The following IL17RA variants were observed in gnomAD, a reference collection of about 807,000 sequenced individuals.
IL17RA encodes interleukin-17 receptor A.
A neutral mutation model predicts 50.4 loss-of-function variants in IL17RA; 34 were observed. The observed-to-expected ratio is 0.67, with a 90% confidence interval of 0.51 to 0.90. The LOEUF (loss-of-function observed/expected upper bound fraction) is 0.90, where lower values mean the gene tolerates loss of function less well. Among genes scored for constraint, IL17RA ranks in the 40% least tolerant of loss-of-function variants. IL17RA has a pLI of 0.00. For synonymous variants in IL17RA, 585 were observed against 510.4 expected (o/e 1.15, Z -1.97); for missense variants, 1,276 against 1,169.8 (o/e 1.09, Z -1.32).
rs774635697 is a variant in IL17RA at position 17,108,623 on chromosome 22, C to T, written c.1404C>T (p.Arg468=). 3.7e-6 allele frequency: 6 copies of T among 1,604,776 alleles called. No homozygotes were observed. Among genetic ancestry groups the T allele is most frequent in the African/African-American group, 2.7e-5 (2 of 74,912 alleles). Reference sequence around the variant, plus strand: ...GCCGGGGGGCGCCTGTGCGGCTGCGCTGCGACCACGGAAAGCCCGTGGGGG... The same window carrying T: ...GCCGGGGGGCGCCTGTGCGGCTGCGTTGCGACCACGGAAAGCCCGTGGGGG... ...LLGRGAPVRL[R]CDHGKPVGDL... The change falls in exon 13 of 13, where the codon CGC becomes CGT. Residue 468 remains arginine (R), a synonymous_variant. Transcript: ENST00000319363.
Position 17,111,604 on chromosome 22 carries a change from C to T in IL17RA, c.*1784C>T, listed in dbSNP as rs558050500. 23 of 152,264 alleles carry T rather than the reference C, an allele frequency of 1.5e-4. No individual in the cohort carries two copies. The highest frequency in any genetic ancestry group is 5.5e-4 in the African/African-American group (23 of 41,532). The allele number at this position is 152,264 out of a possible 1,614,324, so 9.4% of individuals were successfully genotyped here. A position where few individuals can be genotyped will look rare whatever the true frequency, so the allele number is the denominator to read the frequency against. On this transcript the variant is annotated 3_prime_UTR_variant, in exon 13 of 13. Coordinates refer to ENST00000319363, the MANE Select transcript of IL17RA (RefSeq NM_014339.7). ...GGGTCCTGAAGAACACATTGAGGTG[C>T]CGTCTGACACTGGAATAGGGTGCCC...
chr22:17,106,698 C>T (rs1276750409), intron 11 of IL17RA, among the ~76,000 whole-genome samples: 1 of 152,148 alleles, frequency 6.6e-6, no homozygotes, highest in Non-Finnish European at 1.5e-5. Flanking sequence ...CCACCCTTCC[C>T]TAGGCTCGTC....
At chr22:17,099,957 T>C (rs2061383817) in intron 4 of IL17RA, among the ~76,000 whole-genome samples, 1 of 152,142 alleles carries the variant, frequency 6.6e-6, no homozygotes, top group Non-Finnish European at 1.5e-5. Context: ...AAGAATCATT[T>C]GACAAATAGT....
At chr22:17,106,022 G>A in intron 11 of IL17RA, 68 bp downstream of exon 11, 2 of 1,220,428 alleles carry the variant, frequency 1.6e-6, no homozygotes, top group East Asian at 2.4e-5. Context: ...CACTACCAAG[G>A]CAAATCGCTT....
Position 17,109,189 on chromosome 22 carries a change from G to C in IL17RA, c.1970G>C (p.Arg657Pro), listed in dbSNP as rs1341181529. The C allele has an allele frequency of 3.9e-6, 6 of 1,519,092 alleles. No homozygotes were observed. The East Asian group carries it at 1.5e-4, about 37-fold the overall frequency. 94.1% of individuals were successfully genotyped at this position (1,519,092 alleles called of 1,614,324 possible). A position where few individuals can be genotyped will look rare whatever the true frequency, so the allele number is the denominator to read the frequency against. The change falls in exon 13 of 13, where the codon CGG becomes CCG. Residue 657 changes from arginine (R) to proline (P), a missense_variant. Coordinates refer to ENST00000319363, the MANE Select transcript of IL17RA (RefSeq NM_014339.7). ...AAGCTGGAACCTCACCTGCAGCCCC[G>C]GGGTCAGCCAGCGCCGCAGCCCCTC... ...VAKLEPHLQP[R>P]GQPAPQPLHT...
rs2061434755 is a variant in IL17RA at position 17,110,120 on chromosome 22, G to A, written c.*300G>A. 2.3e-6 allele frequency: 1 copy of A among 435,878 alleles called. No individual in the cohort carries two copies. 27.0% of individuals were successfully genotyped at this position (435,878 alleles called of 1,614,324 possible). ...TTTATTGTGCACCTACTATGTGGCG[G>A]GCATTTGGGATACCAAGATAAATTG... On this transcript the variant is annotated 3_prime_UTR_variant, in exon 13 of 13. Coordinates refer to ENST00000319363, the MANE Select transcript of IL17RA (RefSeq NM_014339.7).
intron 1 of IL17RA, among the ~76,000 whole-genome samples, chr22:17,094,649 TAC>T (rs373099305): frequency 0.016 from 846 of 51,398 alleles, 76 homozygotes; most frequent in African/African-American, 0.048. Context: ...CATTTAGTCA[TAC>T]ACACACTCTC....
chr22:17,110,233 C>G lies in IL17RA; in HGVS notation c.*413C>G, dbSNP rs2061435401. The G allele has an allele frequency of 1.0e-5, 3 of 288,916 alleles. No homozygotes were observed. Among genetic ancestry groups the G allele is most frequent in the Non-Finnish European group, 2.0e-5 (3 of 149,306 alleles). 17.9% of individuals were successfully genotyped at this position (288,916 alleles called of 1,614,324 possible). A position where few individuals can be genotyped will look rare whatever the true frequency, so the allele number is the denominator to read the frequency against. On this transcript the variant is annotated 3_prime_UTR_variant, in exon 13 of 13. Transcript: ENST00000319363. ...ACAGGATGGGCCGGGCACGGTGGCT[C>G]ACGCCTGTAATCCCAGCACACTGGG...
At position 17,085,295 on chromosome 22, in the gene IL17RA, G is replaced by C. The variant is rs1272774899; in HGVS notation, c.138+66G>C. On this transcript the variant is annotated intron_variant, in intron 1 of 12. Transcript: ENST00000319363. ...CGGACGCGGGGCAAGGTCGCGGAGGGCCGGACGGTCGGGACTACGCGCCCG... is the reference window on the plus strand; with the variant it reads ...CGGACGCGGGGCAAGGTCGCGGAGGCCCGGACGGTCGGGACTACGCGCCCG... 26 of 1,525,830 alleles carry C rather than the reference G, an allele frequency of 1.7e-5. No individual in the cohort carries two copies. In the Middle Eastern group the frequency reaches 6.8e-4, roughly 40 times the overall value. 94.5% of individuals were successfully genotyped at this position (1,525,830 alleles called of 1,614,324 possible). A position where few individuals can be genotyped will look rare whatever the true frequency, so the allele number is the denominator to read the frequency against.
At position 17,104,775 on chromosome 22, in the gene IL17RA, C is replaced by T. The variant is rs746356951; in HGVS notation, c.896C>T (p.Ala299Val). Residue 299 changes from alanine (A) to valine (V), a missense_variant, in exon 9 of 13, where the codon GCG (alanine) becomes GTG (valine). By Grantham distance (64) the Ala-to-Val change is moderately conservative. Coordinates refer to ENST00000319363, the MANE Select transcript of IL17RA (RefSeq NM_014339.7). ...SCLNDCLRHS[A>V]TVSCPEMPDT... Reference sequence around the variant, plus strand: ...CTCAATGACTGCCTCAGACACTCCGCGACTGTTTCCTGCCCAGAAATGCCA... The same window carrying T: ...CTCAATGACTGCCTCAGACACTCCGTGACTGTTTCCTGCCCAGAAATGCCA... 8.7e-6 allele frequency: 14 copies of T among 1,614,016 alleles called. No homozygotes were observed. In the South Asian group the frequency reaches 8.8e-5, roughly 10 times the overall value.
chr22:17,088,057 A>G (rs1307095602), intron 1 of IL17RA, among the ~76,000 whole-genome samples: 2 of 152,146 alleles, frequency 1.3e-5, no homozygotes, highest in Non-Finnish European at 2.9e-5. Context: ...CCTTCATCCC[A>G]TACTCAACGA....
In IL17RA at chr22:17,090,891, G is replaced by A. The variant is rs76132423; in HGVS notation, c.138+5662G>A. On this transcript the variant is annotated intron_variant, in intron 1 of 12. Transcript: ENST00000319363. ...ATTCTTCACTTGCATAATGTTTCATGTAACTAGTCTTAGTTTTGTTCTATC... is the reference window on the plus strand; with the variant it reads ...ATTCTTCACTTGCATAATGTTTCATATAACTAGTCTTAGTTTTGTTCTATC... 0.025 allele frequency among the ~76,000 whole-genome samples: 3,746 copies of A among 152,200 alleles called. 220 individuals are homozygous for A. The East Asian group carries it at 0.26, about 10-fold the overall frequency.
intron 12 of IL17RA, 77 bp from the exon 13 acceptor site, chr22:17,108,230 C>T (rs1435574397): frequency 6.9e-7 from 1 of 1,455,470 alleles, no homozygotes; most frequent in Non-Finnish European, 9.6e-7. Context: ...CTGGTCCAGG[C>T]CCCTCCTGGG....
intron 1 of IL17RA, among the ~76,000 whole-genome samples, chr22:17,096,843 C>T (rs2078750781): frequency 6.7e-6 from 1 of 149,248 alleles, no homozygotes; most frequent in African/African-American, 2.5e-5. Context: ...GCACTCCAGC[C>T]TGGGCGACAG....
At chr22:17,105,748 T>TG in intron 10 of IL17RA, 105 bp from the exon 11 acceptor site, 1 of 1,378,502 alleles carries the variant, frequency 7.3e-7, no homozygotes, top group Non-Finnish European at 1.0e-6. Flanking sequence ...TTTGTCGTGG[T>TG]GGGGCCAGAG....
chr22:17,092,884 T>G (rs1483151255), intron 1 of IL17RA, among the ~76,000 whole-genome samples: 1 of 152,220 alleles, frequency 6.6e-6, no homozygotes, highest in Non-Finnish European at 1.5e-5. Flanking sequence ...TGTCCTCAAT[T>G]TCATAGACTA....
chr22:17,100,629 CTGGGAG>C (rs2061387612), intron 5 of IL17RA, 148 bp downstream of exon 5: 1 of 1,022,862 alleles, frequency 9.8e-7, no homozygotes, highest in Non-Finnish European at 1.5e-6. Flanking sequence ...GAGGCCAAGA[CTGGGAG>C]TGCTTTGGTG....
At chr22:17,103,057 A>C (rs2061397462) in intron 7 of IL17RA, among the ~76,000 whole-genome samples, 1 of 152,168 alleles carries the variant, frequency 6.6e-6, no homozygotes, top group Admixed American at 6.5e-5. Flanking sequence ...CAGAAGAATC[A>C]CTTGAACCTG....
chr22:17,108,637 A>T lies in IL17RA; in HGVS notation c.1418A>T (p.Lys473Met). The change falls in exon 13 of 13, where the codon AAG (lysine) becomes ATG (methionine). Residue 473 changes from lysine (K) to methionine (M), a missense_variant. Physicochemically the swap from Lys to Met is moderately conservative, Grantham distance 95. Coordinates refer to ENST00000319363, the MANE Select transcript of IL17RA (RefSeq NM_014339.7). The part of the protein sequence containing the change: ...APVRLRCDHG[K>M]PVGDLFTAAM... ...GTGCGGCTGCGCTGCGACCACGGAAAGCCCGTGGGGGACCTGTTCACTGCA... is the reference window on the plus strand; with the variant it reads ...GTGCGGCTGCGCTGCGACCACGGAATGCCCGTGGGGGACCTGTTCACTGCA... The T allele has an allele frequency of 6.2e-7, 1 of 1,605,968 alleles. No individual in the cohort carries two copies. Among genetic ancestry groups the T allele is most frequent in the Non-Finnish European group, 8.5e-7 (1 of 1,179,678 alleles).
Sources: gnomAD v4.1 joint callset for allele counts (sites outside exome capture counted in the v4.1 genomes callset) on GRCh38, gnomAD v4.1.1 for gene constraint, MANE v1.5 for transcripts, NCBI Gene and HGNC (gene_info 2026-07-23, HGNC 2026-07-21) for gene names.